The following FBXL2 variants were observed in gnomAD, a reference collection of about 807,000 sequenced individuals.
The protein encoded by FBXL2 is F-box/LRR-repeat protein 2.
A neutral mutation model predicts 69.2 loss-of-function variants in FBXL2; 38 were observed. The observed-to-expected ratio is 0.55, with a 90% CI of 0.42 to 0.72. The LOEUF is 0.72. Among genes scored for constraint, FBXL2 ranks in the 30% least tolerant of loss-of-function variants. The pLI, the probability that FBXL2 is intolerant of heterozygous loss-of-function variation, is 0.00. For synonymous variants in FBXL2, 192 were observed against 201.3 expected (o/e 0.95, Z 0.39); for missense variants, 354 against 520.3 (o/e 0.68, Z 3.11).
rs2040929524 is a variant in FBXL2, at chr3:33,352,929, A to AAAACAAAAC, written c.66-6036_66-6035insACAAAACAA. ...CAAAACAAAACAAAACAAAACAAAA[A>AAAACAAAAC]AACCCATCTCAATAGTGAGAAATAA... is the stretch of plus-strand genomic sequence containing the variant. On this transcript the variant is annotated intron_variant, in intron 2 of 14. Transcript: ENST00000484457. Among the ~76,000 whole-genome samples the AAAACAAAAC allele has an allele frequency of 1.0e-4, 12 of 117,232 alleles. No individual in the cohort carries two copies. In the South Asian group the frequency reaches 1.6e-3, roughly 16 times the overall value. 76.9% of individuals were successfully genotyped at this position (117,232 alleles called of 152,430 possible). A position where few individuals can be genotyped will look rare whatever the true frequency, so the allele number is the denominator to read the frequency against.
chr3:33,334,410 C>A (rs1021869339), intron 2 of FBXL2, among the ~76,000 whole-genome samples: 3 of 152,084 alleles, frequency 2.0e-5, no homozygotes, highest in Non-Finnish European at 4.4e-5. Flanking sequence ...TTTTAAAAAT[C>A]ATTGAATAGG....
At chr3:33,398,288 A>G (rs955219235) in intron 12 of FBXL2, 1 of 152,236 alleles carries the variant, frequency 6.6e-6, no homozygotes, top group Non-Finnish European at 1.5e-5. Context: ...GCAATAGCCT[A>G]CTAAATTTCT....
chr3:33,289,850 C>G (rs892358551), intron 1 of FBXL2: 1 of 909,152 alleles, frequency 1.1e-6, no homozygotes, highest in Non-Finnish European at 1.3e-6. Context: ...AGAGAAATCC[C>G]TGTAGTGCAC....
chr3:33,409,434 G>A, the FBXL2 span: 1 of 1,613,982 alleles, frequency 6.2e-7, no homozygotes, highest in Middle Eastern at 1.6e-4. Context: ...AGAAAACCCG[G>A]GTTCTCTGTC....
chr3:33,411,761 T>C, the FBXL2 span: 2 of 1,192,276 alleles, frequency 1.7e-6, no homozygotes, highest in Non-Finnish European at 2.5e-6. Context: ...TACTATATTA[T>C]GTTCTAATGA....
At chr3:33,353,233 A>G (rs2040956002) in intron 2 of FBXL2, among the ~76,000 whole-genome samples, 1 of 152,198 alleles carries the variant, frequency 6.6e-6, no homozygotes, top group South Asian at 2.1e-4. Context: ...TTTCTTGCAA[A>G]GCTAACCATA....
At chr3:33,396,051 C>T in intron 12 of FBXL2, 1 of 970,096 alleles carries the variant, frequency 1.0e-6, no homozygotes, top group Non-Finnish European at 1.5e-6. Flanking sequence ...ACATGAGCAA[C>T]TTGGCATTCC....
rs1245417553 is a variant in FBXL2 at position 33,346,819 on chromosome 3, T to C, written c.66-12148T>C. Among the ~76,000 whole-genome samples, 9 of 136,096 alleles carry C rather than the reference T, an allele frequency of 6.6e-5. No individual in the cohort carries two copies. In the Admixed American group the frequency reaches 7.2e-4, roughly 11 times the overall value. 89.3% of individuals were successfully genotyped at this position (136,096 alleles called of 152,430 possible). ...AAGGAATATTATCAACAACTCTGTG[T>C]TCAGATTTAAAAAAAAATTTTGTGG... On this transcript the variant is annotated intron_variant, in intron 2 of 14. Transcript: ENST00000484457.
intron 2 of FBXL2, among the ~76,000 whole-genome samples, chr3:33,329,953 G>A (rs763819254): frequency 6.6e-6 from 1 of 151,638 alleles, no homozygotes; most frequent in Non-Finnish European, 1.5e-5. Context: ...CTCAAGCCTG[G>A]GTGACAGAGT....
rs563693581 is a variant in FBXL2 at position 33,310,710 on chromosome 3, T to A, written c.65+12985T>A. Among the ~76,000 whole-genome samples, 3 of 152,260 alleles carry A rather than the reference T, an allele frequency of 2.0e-5. No individual in the cohort carries two copies. The East Asian group carries it at 5.8e-4, about 29-fold the overall frequency. ...TGGAAAAGTCTGTCTCTCCTTCATT[T>A]CTGAAGGACAGCTTTGCCTGGGTAA... On this transcript the variant is annotated intron_variant, in intron 2 of 14. Transcript: ENST00000484457.
At chr3:33,333,085 G>A (rs529360576) in intron 2 of FBXL2, among the ~76,000 whole-genome samples, 5 of 152,276 alleles carry the variant, frequency 3.3e-5, no homozygotes, top group Admixed American at 2.6e-4. Context: ...ATTGTCAGGG[G>A]CTGAGGGGAG....
chr3:33,299,780 G>A (rs1194017128), intron 2 of FBXL2, among the ~76,000 whole-genome samples: 1 of 152,116 alleles, frequency 6.6e-6, no homozygotes, highest in Non-Finnish European at 1.5e-5. Context: ...CAAATATTTG[G>A]ATAAGAGAGA....
At chr3:33,372,373 C>T (rs2042353748) in intron 5 of FBXL2, 2 of 152,602 alleles carry the variant, frequency 1.3e-5, no homozygotes, top group Non-Finnish European at 2.9e-5. Flanking sequence ...CTCAGACAGT[C>T]CCATCAGGCT....
At chr3:33,297,270 G>T (rs1040853920) in intron 1 of FBXL2, among the ~76,000 whole-genome samples, 1 of 152,112 alleles carries the variant, frequency 6.6e-6, no homozygotes, top group Admixed American at 6.6e-5. Context: ...GTATCCTGCA[G>T]CCTTGCCGAA....
intron 10 of FBXL2, among the ~76,000 whole-genome samples, 153 bp downstream of exon 10, chr3:33,375,571 G>A (rs1038007953): frequency 3.3e-5 from 5 of 152,318 alleles, no homozygotes; most frequent in South Asian, 2.1e-4. Context: ...GGGGTGGGGC[G>A]TGTATAAATC....
intron 4 of FBXL2, among the ~76,000 whole-genome samples, chr3:33,361,098 ATTTTTTTTTT>A (rs58660334): frequency 8.6e-6 from 1 of 116,340 alleles, no homozygotes; most frequent in Non-Finnish European, 1.7e-5. Context: ...CGCCCGGCTA[ATTTTTTTTTT>A]TTTTTTTTTT....
At chr3:33,346,554 G>A (rs534121427) in intron 2 of FBXL2, among the ~76,000 whole-genome samples, 24 of 151,956 alleles carry the variant, frequency 1.6e-4, no homozygotes, top group South Asian at 4.2e-4. Context: ...GCGAGACCCC[G>A]TCTCTAAAAA....
chr3:33,370,417 C>CAAAAA (rs35020611), intron 5 of FBXL2, among the ~76,000 whole-genome samples: 7,364 of 128,748 alleles, frequency 0.057, 663 homozygotes, highest in African/African-American at 0.19. Flanking sequence ...GACTCCGTCT[C>CAAAAA]AAAAAAAAAA....
downstream of FBXL2, chr3:33,389,540 G>C (rs990555844): frequency 2.0e-5 from 3 of 152,034 alleles, no homozygotes; most frequent in Non-Finnish European, 4.4e-5. Flanking sequence ...GAAAAACCAC[G>C]AGTTTAAAAG....
Sources: allele counts gnomAD v4.1 joint callset (sites outside exome capture counted in the v4.1 genomes callset), GRCh38; gene constraint gnomAD v4.1.1; transcripts MANE v1.5; gene names NCBI Gene and HGNC (gene_info 2026-07-23, HGNC 2026-07-21).